Variants in EPHA7 observed in about 807,000 individuals in gnomAD.
The protein encoded by EPHA7 is EPH receptor A7, also known as ephrin type-A receptor 7.
Under a neutral mutation model 112.6 loss-of-function variants are expected in EPHA7, and 25 were observed. The ratio of observed to expected loss-of-function variants is 0.22; its 90% CI spans 0.16 to 0.31. The LOEUF is 0.31. Ranked by LOEUF, EPHA7 falls within the 10% of genes least tolerant of loss-of-function variation. EPHA7 has a pLI of 1.00. For missense variants in EPHA7, 962 were observed against 1,212.6 expected (o/e 0.79, Z 3.07); for synonymous variants, 437 against 406.5 (o/e 1.07, Z -0.90).
At chr6:93,325,355 A>G (rs1774267258) in intron 5 of EPHA7, among the ~76,000 whole-genome samples, 1 of 151,304 alleles carries the variant, frequency 6.6e-6, no homozygotes, top group Admixed American at 6.6e-5. Context: ...AAAAAGATAT[A>G]TGCCTCTTTA....
At chr6:93,312,490 C>A (rs1773592133) in intron 5 of EPHA7, among the ~76,000 whole-genome samples, 1 of 152,062 alleles carries the variant, frequency 6.6e-6, no homozygotes, top group Admixed American at 6.5e-5. Flanking sequence ...CCCTCATTAA[C>A]TTGAAGAGAC....
intron 3 of EPHA7, among the ~76,000 whole-genome samples, chr6:93,364,388 G>A (rs1427149065): frequency 6.6e-6 from 1 of 151,916 alleles, no homozygotes; most frequent in East Asian, 1.9e-4. Flanking sequence ...GCCAGGCGTG[G>A]TGGCAGGCAC....
In EPHA7 at chr6:93,375,789, T is replaced by A. The variant is rs58644356; in HGVS notation, c.833-17378A>T. On this transcript the variant is annotated intron_variant, in intron 3 of 16. Transcript: ENST00000369303. ...GCTACCCTAAACAGTGATGTAAGTCTCTATACACAATTTGCTGTTAATCTG... is the reference window on the plus strand; with the variant it reads ...GCTACCCTAAACAGTGATGTAAGTCACTATACACAATTTGCTGTTAATCTG... Among the ~76,000 whole-genome samples, 1,105 of 152,310 alleles carry A rather than the reference T, an allele frequency of 7.3e-3. 16 individuals carry two copies. Among genetic ancestry groups the A allele is most frequent in the African/African-American group, 0.023 (966 of 41,564 alleles).
chr6:93,405,809 GTGTGTATATATA>G (rs1252621148), intron 3 of EPHA7, among the ~76,000 whole-genome samples: 28 of 61,612 alleles, frequency 4.5e-4, no homozygotes, highest in African/African-American at 2.2e-3. Context: ...GTGTGTGTGT[GTGTGTATATATA>G]TATATATATA....
intron 5 of EPHA7, among the ~76,000 whole-genome samples, chr6:93,354,032 C>T (rs555682374): frequency 2.1e-4 from 32 of 152,182 alleles, no homozygotes; most frequent in African/African-American, 7.7e-4. Flanking sequence ...TTAATAAACC[C>T]TTTTATGCTA....
chr6:93,367,527 C>T (rs1776575634), intron 3 of EPHA7, among the ~76,000 whole-genome samples: 1 of 152,002 alleles, frequency 6.6e-6, no homozygotes, highest in Admixed American at 6.6e-5. Context: ...GAATGATAGA[C>T]ATTGTCAGTC....
chr6:93,344,849 T>C (rs1775317305), intron 5 of EPHA7, among the ~76,000 whole-genome samples: 1 of 151,554 alleles, frequency 6.6e-6, no homozygotes, highest in Non-Finnish European at 1.5e-5. Context: ...CTTCTGAGAT[T>C]CTTCCATCCT....
At chr6:93,265,127 A>G (rs551222987) in intron 7 of EPHA7, among the ~76,000 whole-genome samples, 1 of 151,596 alleles carries the variant, frequency 6.6e-6, no homozygotes, top group Non-Finnish European at 1.5e-5. Flanking sequence ...TTTTTGAAGT[A>G]CCTTAACACA....
At chr6:93,298,687 A>C (rs1412485485) in intron 5 of EPHA7, among the ~76,000 whole-genome samples, 1 of 152,192 alleles carries the variant, frequency 6.6e-6, no homozygotes, top group Admixed American at 6.5e-5. Flanking sequence ...TATTTTGCCT[A>C]TCACATTGGC....
At chr6:93,365,804 G>A (rs1018231523) in intron 3 of EPHA7, among the ~76,000 whole-genome samples, 19 of 152,142 alleles carry the variant, frequency 1.2e-4, no homozygotes, top group South Asian at 2.1e-4. Flanking sequence ...TTAAGTGCTC[G>A]ATGATAACAT....
Position 93,256,029 on chromosome 6 carries a change from A to G in EPHA7, c.2181T>C (p.Asp727=), listed in dbSNP as rs772267546. 5.0e-6 allele frequency: 8 copies of G among 1,613,976 alleles called. No individual in the cohort carries two copies. The Admixed American group carries it at 8.3e-5, about 17-fold the overall frequency. The part of the protein sequence containing the change: ...GALDAFLRKH[D]GQFTVIQLVG... ...CTAACTGAATGACTGTAAATTGCCC[A>G]TCATGTTTCTGCAGGAAGACAAAAA... The change falls in exon 13 of 17, where the codon GAT becomes GAC. Residue 727 remains aspartate (D), a synonymous_variant. Coordinates refer to ENST00000369303, the MANE Select transcript of EPHA7 (RefSeq NM_004440.4).
chr6:93,295,140 C>A (rs1441904640), intron 5 of EPHA7, among the ~76,000 whole-genome samples: 13 of 151,686 alleles, frequency 8.6e-5, no homozygotes, highest in Admixed American at 8.5e-4. Context: ...CCATTTTGAA[C>A]TTTGTGTGAA....
chr6:93,256,176 G>T, intron 12 of EPHA7, 139 bp from the exon 13 acceptor site: 1 of 668,666 alleles, frequency 1.5e-6, no homozygotes, highest in Non-Finnish European at 2.4e-6. Flanking sequence ...ATGGATACCT[G>T]TGGAAAAAAA....
chr6:93,375,040 A>C (rs1776984455), intron 3 of EPHA7, among the ~76,000 whole-genome samples: 1 of 152,166 alleles, frequency 6.6e-6, no homozygotes, highest in African/African-American at 2.4e-5. Context: ...AAATGTCTGA[A>C]AGTTTCAACT....
intron 5 of EPHA7, among the ~76,000 whole-genome samples, chr6:93,299,189 G>A (rs958194351): frequency 1.1e-4 from 16 of 152,008 alleles, no homozygotes; most frequent in Non-Finnish European, 2.4e-4. Flanking sequence ...AGCCGGGCGT[G>A]GTGGCGGGCG....
chr6:93,270,997 T>G (rs1411863401), intron 6 of EPHA7, among the ~76,000 whole-genome samples: 1 of 151,820 alleles, frequency 6.6e-6, no homozygotes, highest in Non-Finnish European at 1.5e-5. Flanking sequence ...AGATTTATAT[T>G]GTAAGAAACT....
chr6:93,309,493 T>C (rs1773423235), intron 5 of EPHA7, among the ~76,000 whole-genome samples: 1 of 152,136 alleles, frequency 6.6e-6, no homozygotes, highest in Non-Finnish European at 1.5e-5. Flanking sequence ...CAACTTGATA[T>C]AAAATAATGA....
At chr6:93,262,731 A>C (rs118077652) in intron 9 of EPHA7, among the ~76,000 whole-genome samples, 1 of 151,378 alleles carries the variant, frequency 6.6e-6, no homozygotes, top group Non-Finnish European at 1.5e-5. Context: ...ACTAAAGGTA[A>C]CTGTTGGTTC....
rs1773796404 is a variant in EPHA7, at chr6:93,316,101, A to G, written c.1324+40616T>C. Reference sequence around the variant, plus strand: ...AAGCAAATGAAATAGCTGTGCTAACATAGGAAGGGCCTGCACTGCTGTAGT... The same window carrying G: ...AAGCAAATGAAATAGCTGTGCTAACGTAGGAAGGGCCTGCACTGCTGTAGT... On this transcript the variant is annotated intron_variant, in intron 5 of 16. Coordinates refer to ENST00000369303, the MANE Select transcript of EPHA7 (RefSeq NM_004440.4). 2.6e-5 allele frequency among the ~76,000 whole-genome samples: 4 copies of G among 152,310 alleles called. No individual in the cohort carries two copies. The South Asian group carries it at 8.3e-4, about 32-fold the overall frequency.
Sources: allele counts gnomAD v4.1 joint callset (sites outside exome capture counted in the v4.1 genomes callset), GRCh38; gene constraint gnomAD v4.1.1; transcripts MANE v1.5; gene names NCBI Gene and HGNC (gene_info 2026-07-23, HGNC 2026-07-21).